SLC6A6: variants seen among roughly 807,000 people sequenced by gnomAD.
SLC6A6 encodes the protein solute carrier family 6 member 6.
In SLC6A6, 16 loss-of-function variants were observed where a neutral mutation model predicts 68.8. The observed-to-expected ratio is 0.23, with a 90% CI of 0.16 to 0.35. The LOEUF (loss-of-function observed/expected upper bound fraction) is 0.35, where lower values mean the gene tolerates loss of function less well. SLC6A6 is among the 10% of genes least tolerant of loss of function. The pLI, the probability that SLC6A6 is intolerant of heterozygous loss-of-function variation, is 1.00. For synonymous variants in SLC6A6, 312 were observed against 315.4 expected (o/e 0.99, Z 0.12); for missense variants, 474 against 802.8 (o/e 0.59, Z 4.95).
chr3:14,437,026 G>A (rs1213735154), intron 2 of SLC6A6, among the ~76,000 whole-genome samples: 1 of 138,984 alleles, frequency 7.2e-6, no homozygotes, highest in East Asian at 2.0e-4. Flanking sequence ...AGACAGACCT[G>A]GGGGGCATTT....
chr3:14,462,014 C>T (rs1700506799), intron 6 of SLC6A6, among the ~76,000 whole-genome samples: 1 of 152,238 alleles, frequency 6.6e-6, no homozygotes, highest in Admixed American at 6.5e-5. Flanking sequence ...ACAGTTGGGC[C>T]ACAGGGCTTT....
chr3:14,473,485 C>T (rs757977717), intron 10 of SLC6A6, among the ~76,000 whole-genome samples: 1 of 152,028 alleles, frequency 6.6e-6, no homozygotes, highest in Non-Finnish European at 1.5e-5. Flanking sequence ...CCCCGCGGGC[C>T]GAAGTCTTCA....
intron 5 of SLC6A6, among the ~76,000 whole-genome samples, chr3:14,449,503 A>G (rs565046187): frequency 2.6e-5 from 4 of 152,158 alleles, no homozygotes; most frequent in Non-Finnish European, 5.9e-5. Flanking sequence ...ACTCCTGGAC[A>G]CTGGCACTCA....
intron 9 of SLC6A6, among the ~76,000 whole-genome samples, chr3:14,470,872 G>A (rs1053457028): frequency 1.1e-4 from 16 of 152,132 alleles, no homozygotes; most frequent in African/African-American, 3.6e-4. Flanking sequence ...GCTCCTGATG[G>A]GGGTCTCCAG....
chr3:14,440,914 C>T (rs1699967994), intron 2 of SLC6A6, among the ~76,000 whole-genome samples: 1 of 152,146 alleles, frequency 6.6e-6, no homozygotes, highest in South Asian at 2.1e-4. Flanking sequence ...CAGGTCCCCA[C>T]TCTGCCCTGT....
chr3:14,467,910 A>G lies in SLC6A6; in HGVS notation c.925A>G (p.Met309Val), dbSNP rs923056615. The stretch of plus-strand genomic sequence containing the variant: ...CTCTTATGCCATCTGCCTGGGGGCT[A>G]TGACCTCGCTGGGGAGCTACAACAA... ...FFSYAICLGA[M>V]TSLGSYNKYK... Residue 309 changes from methionine (M) to valine (V), a missense_variant, in exon 8 of 15, where the codon ATG (methionine) becomes GTG (valine). Met to Val is a conservative substitution (Grantham distance 21). This residue lies in a region of SLC6A6 where 280 missense variants were observed against 533.1 expected (regional missense o/e 0.53). Coordinates refer to ENST00000622186, the MANE Select transcript of SLC6A6 (RefSeq NM_003043.6). The G allele has an allele frequency of 6.2e-7, 1 of 1,613,990 alleles. No homozygotes were observed. Among genetic ancestry groups the G allele is most frequent in the Non-Finnish European group, 8.5e-7 (1 of 1,179,902 alleles).
intron 2 of SLC6A6, among the ~76,000 whole-genome samples, chr3:14,417,153 T>G (rs958876032): frequency 6.6e-6 from 1 of 151,736 alleles, no homozygotes; most frequent in African/African-American, 2.4e-5. Context: ...GGCAACATAA[T>G]GAGCCCCATC....
chr3:14,440,175 G>T (rs981366034), intron 2 of SLC6A6, among the ~76,000 whole-genome samples: 5 of 152,130 alleles, frequency 3.3e-5, no homozygotes, highest in African/African-American at 7.2e-5. Flanking sequence ...GGAAGGTACA[G>T]TTACCCCATT....
chr3:14,425,055 T>TG (rs1332284412), intron 2 of SLC6A6, among the ~76,000 whole-genome samples: 1 of 152,182 alleles, frequency 6.6e-6, no homozygotes, highest in Non-Finnish European at 1.5e-5. Context: ...GGTCAAGTGT[T>TG]GGTTGAACGA....
chr3:14,436,981 G>A (rs1699871295), intron 2 of SLC6A6, among the ~76,000 whole-genome samples: 1 of 152,168 alleles, frequency 6.6e-6, no homozygotes, highest in African/African-American at 2.4e-5. Flanking sequence ...ATCCATAGCA[G>A]CTACAGTAGT....
In SLC6A6 at chr3:14,477,151, C is replaced by G. The variant is rs1700897153; in HGVS notation, c.1210-54C>G. The G allele has an allele frequency of 6.4e-7, 1 of 1,567,348 alleles. No homozygotes were observed. Among genetic ancestry groups the G allele is most frequent in the Admixed American group, 1.7e-5 (1 of 58,960 alleles). ...TGGGCCCTTCCCTCCGAGCAGCAGG[C>G]AAGGGTGGCCTGAGCGTCAGCCGCT... On this transcript the variant is annotated intron_variant, in intron 10 of 14. Coordinates refer to ENST00000622186, the MANE Select transcript of SLC6A6 (RefSeq NM_003043.6). This position sits in a 1 kb window ranked among gnomAD's most constrained non-coding sequence, Gnocchi z 4.2.
intron 4 of SLC6A6, among the ~76,000 whole-genome samples, chr3:14,446,628 T>C (rs1700127491): frequency 6.6e-6 from 1 of 152,236 alleles, no homozygotes; most frequent in African/African-American, 2.4e-5. Flanking sequence ...GGAGGCTTTC[T>C]GTCTGGGTTC....
chr3:14,477,086 A>G lies in SLC6A6; in HGVS notation c.1210-119A>G. On this transcript the variant is annotated intron_variant, in intron 10 of 14. Coordinates refer to ENST00000622186, the MANE Select transcript of SLC6A6 (RefSeq NM_003043.6). The surrounding 1 kb of genome is among the most constrained non-coding windows in gnomAD (Gnocchi z 4.2). ...ACTTGATCTCACAGGCCAATTCTGG[A>G]CACAAGGATGGTCACGTCTGCTCCT... The G allele has an allele frequency of 1.1e-6, 1 of 941,150 alleles. No homozygotes were observed. Among genetic ancestry groups the G allele is most frequent in the South Asian group, 1.5e-5 (1 of 64,656 alleles). The allele number at this position is 941,150 out of a possible 1,614,324, so 58.3% of individuals were successfully genotyped here.
At chr3:14,408,420 C>T (rs13080695) in intron 1 of SLC6A6, among the ~76,000 whole-genome samples, 11,993 of 151,634 alleles carry the variant, frequency 0.079, 691 homozygotes, top group Non-Finnish European at 0.12. Context: ...CTGCAACCTC[C>T]GCCTCCCAGG....
chr3:14,444,934 C>G, intron 3 of SLC6A6: 1 of 444,614 alleles, frequency 2.2e-6, no homozygotes, highest in Non-Finnish European at 4.5e-6. Context: ...ACCGGAGATG[C>G]CTACCCTCTG....
At chr3:14,460,442 TGTGAAGGAA>T (rs992500111) in intron 6 of SLC6A6, among the ~76,000 whole-genome samples, 1 of 151,732 alleles carries the variant, frequency 6.6e-6, no homozygotes, top group African/African-American at 2.4e-5. Flanking sequence ...TAGGCAAAGA[TGTGAAGGAA>T]GTGAAGGGCT....
chr3:14,481,700 C>T lies in SLC6A6; in HGVS notation c.1581C>T (p.Tyr527=), dbSNP rs750306787. Residue 527 remains tyrosine, a synonymous_variant, in exon 14 of 15, where the codon TAC becomes TAT. Coordinates refer to ENST00000622186, the MANE Select transcript of SLC6A6 (RefSeq NM_003043.6). This position sits in a 1 kb window ranked among gnomAD's most constrained non-coding sequence, Gnocchi z 4.7. ...GTTTCATCTTCTCGCTCGTCAAGTACGTACCCCTGACCTACAACAAAACAT... is the reference window on the plus strand; with the variant it reads ...GTTTCATCTTCTCGCTCGTCAAGTATGTACCCCTGACCTACAACAAAACAT... ...VGCFIFSLVK[Y]VPLTYNKTYV... is the part of the protein sequence containing the mutation. The T allele has an allele frequency of 4.3e-6, 7 of 1,613,380 alleles. No individual in the cohort carries two copies. Among genetic ancestry groups the T allele is most frequent in the Non-Finnish European group, 5.9e-6 (7 of 1,179,600 alleles).
chr3:14,484,851 T>A lies in SLC6A6; in HGVS notation c.1723-16T>A. On this transcript the variant is annotated splice_polypyrimidine_tract_variant and intron_variant, in intron 14 of 14. Transcript: ENST00000622186. ...CGCCTGACGTTTCCCCCCTCACTCC[T>A]GTCATCCTTCTCCAGAGAGTCAAGT... The A allele has an allele frequency of 6.2e-7, 1 of 1,610,844 alleles. No homozygotes were observed. Among genetic ancestry groups the A allele is most frequent in the Non-Finnish European group, 8.5e-7 (1 of 1,179,238 alleles).
intron 2 of SLC6A6, among the ~76,000 whole-genome samples, chr3:14,437,532 C>T (rs1040414480): frequency 6.6e-6 from 1 of 152,166 alleles, no homozygotes; most frequent in Non-Finnish European, 1.5e-5. Context: ...CATGATGTTT[C>T]ACATCTGCGT....
Sources: allele counts gnomAD v4.1 joint callset (sites outside exome capture counted in the v4.1 genomes callset), GRCh38; gene constraint gnomAD v4.1.1; regional missense constraint gnomAD v4.1.1; non-coding constraint Gnocchi (gnomAD v3.1); transcripts MANE v1.5; gene names NCBI Gene and HGNC (gene_info 2026-07-23, HGNC 2026-07-21).